The following EPG5 variants were observed in gnomAD, a reference collection of about 807,000 sequenced individuals.
The protein encoded by EPG5 is ectopic P granules protein 5 homolog.
EPG5 carries 159 observed loss-of-function variants against 302.7 expected under a neutral mutation model. The ratio of observed to expected loss-of-function variants is 0.53; its 90% confidence interval spans 0.46 to 0.60. The LOEUF is 0.60. Among genes scored for constraint, EPG5 ranks in the 20% least tolerant of loss-of-function variants. EPG5 has a pLI of 0.00. For missense variants in EPG5, 2,896 were observed against 3,092.4 expected, an observed-to-expected ratio of 0.94 and a Z score of 1.51; for synonymous variants, 1,158 against 1,136.8, an observed-to-expected ratio of 1.02 and a Z score of -0.37.
At chr18:45,915,886 G>A (rs2050019745) in intron 19 of EPG5, 123 bp downstream of exon 19, 1 of 933,058 alleles carries the variant, frequency 1.1e-6, no homozygotes. Context: ...TACCATTAAG[G>A]CAAAGCTTAA....
intron 1 of EPG5, among the ~76,000 whole-genome samples, chr18:45,961,837 G>A (rs867782839): frequency 7.1e-5 from 10 of 140,560 alleles, no homozygotes; most frequent in East Asian, 4.1e-4. Flanking sequence ...CAGCCTGGGC[G>A]ACAACAGTGA....
At chr18:45,916,301 C>G (rs1262676785) in intron 18 of EPG5, 95 bp from the exon 19 acceptor site, 2 of 1,519,524 alleles carry the variant, frequency 1.3e-6, no homozygotes, top group African/African-American at 2.8e-5. Context: ...CTACAAATCC[C>G]AAATCTATTG....
chr18:45,900,985 C>T lies in EPG5; in HGVS notation c.4646+11G>A, dbSNP rs2049600821. 1 of 1,601,594 alleles carries T rather than the reference C, an allele frequency of 6.2e-7. No individual in the cohort carries two copies. Among genetic ancestry groups the T allele is most frequent in the Non-Finnish European group, 8.5e-7 (1 of 1,170,760 alleles). On this transcript the variant is annotated intron_variant, in intron 26 of 43. Transcript: ENST00000282041. ...CATGGGAACATGATCCGTGAGGCTG[C>T]ATGGTCTTACCTGGCCTGCTGTTGC... is the stretch of plus-strand genomic sequence containing the variant.
intron 12 of EPG5, among the ~76,000 whole-genome samples, chr18:45,930,129 G>A (rs556128679): frequency 1.7e-3 from 253 of 152,228 alleles, no homozygotes; most frequent in Non-Finnish European, 2.7e-3. Flanking sequence ...CCACCTTCAC[G>A]GATGGCTCAG....
chr18:45,852,544 G>C lies in EPG5; in HGVS notation c.7663C>G (p.Gln2555Glu). Reference protein sequence around the residue: ...QFIRHPGHCLQDGKSFLALLV... With the variant: ...QFIRHPGHCLEDGKSFLALLV... ...AGAGCCAAGAAGCTTTTCCCATCTT[G>C]AAGGCAATGGCCAGGATGCCTTATA... Residue 2555 changes from glutamine to glutamate, a missense_variant, in exon 44 of 44, where the codon CAA (glutamine) becomes GAA (glutamate). By Grantham distance (29) the Gln-to-Glu change is conservative. Coordinates refer to ENST00000282041, the MANE Select transcript of EPG5 (RefSeq NM_020964.3). 1 of 1,614,164 alleles carries C rather than the reference G, an allele frequency of 6.2e-7. No homozygotes were observed. The highest frequency in any genetic ancestry group is 8.5e-7 in the Non-Finnish European group (1 of 1,180,018).
At chr18:45,897,475 T>C (rs77320914) in intron 27 of EPG5, among the ~76,000 whole-genome samples, 12 of 152,312 alleles carry the variant, frequency 7.9e-5, no homozygotes, top group East Asian at 3.9e-4. Context: ...CCACCCAAAA[T>C]TGGCAAACTT....
chr18:45,868,279 A>C (rs1029370761), intron 36 of EPG5, among the ~76,000 whole-genome samples: 1 of 151,946 alleles, frequency 6.6e-6, no homozygotes, highest in African/African-American at 2.4e-5. Context: ...CCCAGGGACC[A>C]CACTACTTTG....
intron 27 of EPG5, among the ~76,000 whole-genome samples, chr18:45,897,824 A>G (rs1305871927): frequency 2.0e-5 from 3 of 152,254 alleles, no homozygotes; most frequent in Non-Finnish European, 4.4e-5. Flanking sequence ...AGAGTCTCCC[A>G]AGGAAATTGA....
At chr18:45,944,842 CA>C (rs2050752268) in intron 7 of EPG5, among the ~76,000 whole-genome samples, 2 of 152,174 alleles carry the variant, frequency 1.3e-5, no homozygotes. Context: ...TAGTATGCAA[CA>C]GACTTAAGAC....
chr18:45,804,044 T>A, the EPG5 span, among the ~76,000 whole-genome samples: 5 of 152,232 alleles, frequency 3.3e-5, no homozygotes, highest in East Asian at 9.6e-4. Context: ...CTAAATGACA[T>A]AAGGAAAAAT....
In EPG5 at chr18:45,865,598, T is replaced by C; in HGVS notation, c.6766+17A>G. ...GCATTGACTGAATGAATACAGGACT[T>C]CCGACTGGTCACTTACCGGGCGGGT... On this transcript the variant is annotated intron_variant, in intron 39 of 43. Transcript: ENST00000282041. The C allele has an allele frequency of 6.2e-7, 1 of 1,613,498 alleles. No individual in the cohort carries two copies. The highest frequency in any genetic ancestry group is 8.5e-7 in the Non-Finnish European group (1 of 1,179,598).
chr18:45,935,856 T>A (rs1237498156), intron 10 of EPG5, among the ~76,000 whole-genome samples: 1 of 152,202 alleles, frequency 6.6e-6, no homozygotes, highest in Non-Finnish European at 1.5e-5. Context: ...CTCCTTCAGT[T>A]ACCACTGCAT....
rs139209033 is a variant in EPG5 at position 45,901,101 on chromosome 18, G to A, written c.4541C>T (p.Pro1514Leu). ...AATAACTGGCACAGGAGGCTTCGTCGGGTGCAGAGCAAGGGGAGGCTGGGG... is the reference window on the plus strand; with the variant it reads ...AATAACTGGCACAGGAGGCTTCGTCAGGTGCAGAGCAAGGGGAGGCTGGGG... ...EAPQPPLALHPTKPPVPVISS... is the reference protein window; with the variant it reads ...EAPQPPLALHLTKPPVPVISS... The change falls in exon 26 of 44, where the codon CCG (proline) becomes CTG (leucine). Residue 1514 changes from proline (P) to leucine (L), a missense_variant. Pro to Leu is a moderately conservative substitution (Grantham distance 98). Around this residue, in one of 5 missense-constraint regions of EPG5, gnomAD observed 790 missense variants for 798.0 expected, o/e 0.99. Transcript: ENST00000282041. 2.9e-4 allele frequency: 474 copies of A among 1,614,168 alleles called. No homozygotes were observed. In the African/African-American group the frequency reaches 4.1e-3, roughly 14 times the overall value.
Position 45,917,692 on chromosome 18 carries a change from G to T in EPG5, c.3226C>A (p.Leu1076Met), listed in dbSNP as rs1271449400. The change falls in exon 17 of 44, where the codon CTG (leucine) becomes ATG (methionine). Residue 1076 changes from leucine (L) to methionine (M), a missense_variant. Physicochemically the swap from Leu to Met is conservative, Grantham distance 15. Transcript: ENST00000282041. ...PLFYPCQYYL[L>M]KNEQFLSHLL... ...GAACACACTTACTGCTCATTCTTCA[G>T]AAGGTAATACTGGCAAGGGTAAAAT... 1 of 1,614,092 alleles carries T rather than the reference G, an allele frequency of 6.2e-7. No homozygotes were observed. The highest frequency in any genetic ancestry group is 1.7e-5 in the Admixed American group (1 of 60,020).
chr18:45,939,028 A>T lies in EPG5; in HGVS notation c.2099+572T>A, dbSNP rs553149718. Among the ~76,000 whole-genome samples, 5 of 152,332 alleles carry T rather than the reference A, an allele frequency of 3.3e-5. No homozygotes were observed. The South Asian group carries it at 1.0e-3, about 32-fold the overall frequency. On this transcript the variant is annotated intron_variant, in intron 10 of 43. Coordinates refer to ENST00000282041, the MANE Select transcript of EPG5 (RefSeq NM_020964.3). ...GCAGAGCCCACTCCTCAACTTGGCC[A>T]GTGGCTCAGGGAAGGGAGCACGGGA...
downstream of EPG5, among the ~76,000 whole-genome samples, chr18:45,845,301 G>A (rs978890878): frequency 2.6e-5 from 4 of 152,226 alleles, no homozygotes; most frequent in Non-Finnish European, 5.9e-5. Flanking sequence ...TTCAGATGCA[G>A]TGAGAGGCTG....
At chr18:45,914,867 A>C (rs199939477) in intron 20 of EPG5, among the ~76,000 whole-genome samples, 1 of 152,072 alleles carries the variant, frequency 6.6e-6, no homozygotes, top group Non-Finnish European at 1.5e-5. Context: ...TGTAGTCCCC[A>C]AATACTAGGG....
intron 3 of EPG5, among the ~76,000 whole-genome samples, chr18:45,951,779 T>A (rs1017251353): frequency 3.3e-5 from 5 of 152,100 alleles, no homozygotes; most frequent in African/African-American, 1.2e-4. Flanking sequence ...ATTTTTTATT[T>A]GAAAATCAGT....
chr18:45,941,179 G>C (rs1008627829), intron 9 of EPG5, among the ~76,000 whole-genome samples: 2 of 152,188 alleles, frequency 1.3e-5, no homozygotes, highest in African/African-American at 4.8e-5. Flanking sequence ...CAACCAAGGA[G>C]GCAGAAAAGG....
Sources: gnomAD v4.1 joint callset for allele counts (sites outside exome capture counted in the v4.1 genomes callset) on GRCh38, gnomAD v4.1.1 for gene constraint, gnomAD v4.1.1 regional missense constraint, MANE v1.5 for transcripts, NCBI Gene and HGNC (gene_info 2026-07-23, HGNC 2026-07-21) for gene names.